The following DCAF17 variants were observed in gnomAD, a reference collection of about 807,000 sequenced individuals.
The protein encoded by DCAF17 is DDB1 and CUL4 associated factor 17, also known as DDB1- and CUL4-associated factor 17.
Under a neutral mutation model 66.0 loss-of-function variants are expected in DCAF17, and 48 were observed. The ratio of observed to expected loss-of-function variants is 0.73; its 90% CI spans 0.58 to 0.92. DCAF17 has a LOEUF of 0.92. DCAF17 is among the 40% of genes least tolerant of loss of function. DCAF17 has a pLI of 0.00. For missense variants in DCAF17, 562 were observed against 622.8 expected (o/e 0.90, Z 1.04); for synonymous variants, 206 against 214.6 (o/e 0.96, Z 0.35).
chr2:171,461,910 G>T (rs1286380311), intron 8 of DCAF17, among the ~76,000 whole-genome samples: 1 of 152,012 alleles, frequency 6.6e-6, no homozygotes, highest in Non-Finnish European at 1.5e-5. Context: ...GAAATCACAT[G>T]GCATGTATTT....
chr2:171,484,128 G>A lies in DCAF17; in HGVS notation c.*3014G>A, dbSNP rs760915283. On this transcript the variant is annotated 3_prime_UTR_variant, in exon 14 of 14. Coordinates refer to ENST00000375255, the MANE Select transcript of DCAF17 (RefSeq NM_025000.4). ...ATTAAAAGGTACTTTCCCTTTGTTT[G>A]TGGTGATAATCAGTATTAGTAGTTT... The A allele has an allele frequency of 3.5e-5, 16 of 452,608 alleles. No individual in the cohort carries two copies. The highest frequency in any genetic ancestry group is 2.5e-4 in the South Asian group (16 of 64,020). The allele number at this position is 452,608 out of a possible 1,614,324, so 28.0% of individuals were successfully genotyped here. A position where few individuals can be genotyped will look rare whatever the true frequency, so the allele number is the denominator to read the frequency against.
chr2:171,434,633 G>A lies in DCAF17; in HGVS notation c.56G>A (p.Gly19Asp). Residue 19 changes from glycine (G) to aspartate (D), a missense_variant, in exon 1 of 14, where the codon GGC becomes GAC. Around this residue, in one of 3 missense-constraint regions of DCAF17, gnomAD observed 348 missense variants for 355.9 expected, o/e 0.98. Coordinates refer to ENST00000375255, the MANE Select transcript of DCAF17 (RefSeq NM_025000.4). ...VCSRLSRRAL[G>D]CFSRDAGVVQ... ...AGCCGGCTGAGTCGCCGGGCGCTGG[G>A]CTGCTTCTCGCGCGACGCAGGCGTG... is the stretch of plus-strand genomic sequence containing the variant. The A allele has an allele frequency of 6.5e-7, 1 of 1,533,022 alleles. No homozygotes were observed. The highest frequency in any genetic ancestry group is 1.2e-5 in the South Asian group (1 of 83,802). The allele number at this position is 1,533,022 out of a possible 1,614,324, so 95.0% of individuals were successfully genotyped here. A position where few individuals can be genotyped will look rare whatever the true frequency, so the allele number is the denominator to read the frequency against.
chr2:171,482,212 A>G lies in DCAF17; in HGVS notation c.*1098A>G. The G allele has an allele frequency of 2.2e-6, 1 of 453,524 alleles. No individual in the cohort carries two copies. The highest frequency in any genetic ancestry group is 1.6e-5 in the South Asian group (1 of 64,162). 28.1% of individuals were successfully genotyped at this position (453,524 alleles called of 1,614,324 possible). A position where few individuals can be genotyped will look rare whatever the true frequency, so the allele number is the denominator to read the frequency against. ...CTGTTTGAGAAATTCAGTTGCTTCCATTTCGCATGTTCTGCACATTTATCC... is the reference window on the plus strand; with the variant it reads ...CTGTTTGAGAAATTCAGTTGCTTCCGTTTCGCATGTTCTGCACATTTATCC... On this transcript the variant is annotated 3_prime_UTR_variant, in exon 14 of 14. Transcript: ENST00000375255.
chr2:171,475,901 A>C (rs2105807137), intron 10 of DCAF17, among the ~76,000 whole-genome samples: 1 of 152,358 alleles, frequency 6.6e-6, no homozygotes, highest in South Asian at 2.1e-4. Context: ...TACACATTTT[A>C]AACTGTGGTT....
chr2:171,465,785 C>G (rs372573107), intron 8 of DCAF17, among the ~76,000 whole-genome samples: 5 of 151,962 alleles, frequency 3.3e-5, no homozygotes, highest in Admixed American at 1.3e-4. Flanking sequence ...GTGCCCAGCC[C>G]CATTTTCTAT....
chr2:171,477,536 G>A (rs906860499), intron 11 of DCAF17, among the ~76,000 whole-genome samples: 1 of 152,090 alleles, frequency 6.6e-6, no homozygotes, highest in African/African-American at 2.4e-5. Flanking sequence ...GCTCACACCT[G>A]TAATCTCAGC....
At chr2:171,441,230 G>A (rs1559256032) in intron 2 of DCAF17, among the ~76,000 whole-genome samples, 1 of 152,082 alleles carries the variant, frequency 6.6e-6, no homozygotes, top group Non-Finnish European at 1.5e-5. Flanking sequence ...CTCTTTTATG[G>A]CCTGCTTCTC....
At chr2:171,435,816 T>C (rs1693881346) in intron 2 of DCAF17, among the ~76,000 whole-genome samples, 1 of 152,240 alleles carries the variant, frequency 6.6e-6, no homozygotes, top group Admixed American at 6.5e-5. Context: ...ATGAGCTTTT[T>C]TTATAGGCTT....
intron 2 of DCAF17, among the ~76,000 whole-genome samples, chr2:171,437,746 A>G (rs1452923957): frequency 6.6e-6 from 1 of 152,150 alleles, no homozygotes; most frequent in Non-Finnish European, 1.5e-5. Flanking sequence ...CGTCCATGAG[A>G]TCGGTAGTGA....
rs769229427 is a variant in DCAF17 at position 171,434,657 on chromosome 2, T to G, written c.80T>G (p.Val27Gly). The change falls in exon 1 of 14, where the codon GTG (valine) becomes GGG (glycine). Residue 27 changes from valine (V) to glycine (G), a missense_variant. By Grantham distance (109) the Val-to-Gly change is moderately radical (BLOSUM62 -3). Coordinates refer to ENST00000375255, the MANE Select transcript of DCAF17 (RefSeq NM_025000.4). ...GGCTGCTTCTCGCGCGACGCAGGCG[T>G]GGTGCAGAGGACCAACCTGGGCATC... ...ALGCFSRDAGVVQRTNLGILR... is the reference protein window; with the variant it reads ...ALGCFSRDAGGVQRTNLGILR... 33 of 1,535,096 alleles carry G rather than the reference T, an allele frequency of 2.1e-5. No individual in the cohort carries two copies. The highest frequency in any genetic ancestry group is 1.4e-4 in the Admixed American group (7 of 51,802).
At chr2:171,473,033 G>T in intron 9 of DCAF17, 1 of 181,648 alleles carries the variant, frequency 5.5e-6, no homozygotes, top group Non-Finnish European at 1.3e-5. Context: ...ATACTACAGT[G>T]AAATCTCTTC....
intron 12 of DCAF17, 21 bp downstream of exon 12, chr2:171,478,091 G>A (rs762819110): frequency 6.3e-7 from 1 of 1,588,424 alleles, no homozygotes; most frequent in Non-Finnish European, 8.6e-7. Flanking sequence ...GGCCAGAGAT[G>A]ACAAACCAAA....
intron 8 of DCAF17, among the ~76,000 whole-genome samples, chr2:171,463,852 T>A (rs1695740184): frequency 6.6e-6 from 1 of 152,338 alleles, no homozygotes; most frequent in South Asian, 2.1e-4. Context: ...TAAACTGTAT[T>A]TCCTTCCAAA....
chr2:171,467,877 A>G (rs1045756726), intron 8 of DCAF17, among the ~76,000 whole-genome samples: 3 of 151,884 alleles, frequency 2.0e-5, no homozygotes, highest in African/African-American at 4.8e-5. Flanking sequence ...CCTTATGAAG[A>G]TGCTTAATAA....
Position 171,434,544 on chromosome 2 carries a change from G to A in DCAF17, c.-34G>A, listed in dbSNP as rs1006608443. The stretch of plus-strand genomic sequence containing the variant: ...GGGAGTGTGGGGCGCGCCACTCGGC[G>A]GCCCAGCCTACCCAGGGCCCGGCCC... On this transcript the variant is annotated 5_prime_UTR_variant, in exon 1 of 14. Coordinates refer to ENST00000375255, the MANE Select transcript of DCAF17 (RefSeq NM_025000.4). 3.3e-6 allele frequency: 5 copies of A among 1,524,016 alleles called. No homozygotes were observed. The African/African-American group carries it at 5.5e-5, about 17-fold the overall frequency. 94.4% of individuals were successfully genotyped at this position (1,524,016 alleles called of 1,614,324 possible).
intron 6 of DCAF17, among the ~76,000 whole-genome samples, chr2:171,456,517 G>T (rs1695271561): frequency 6.6e-6 from 1 of 152,162 alleles, no homozygotes; most frequent in Admixed American, 6.6e-5. Flanking sequence ...TTCTAAAATA[G>T]TTTTTTCTAG....
chr2:171,453,665 ATTG>A (rs1285794944), intron 6 of DCAF17, among the ~76,000 whole-genome samples: 1 of 152,048 alleles, frequency 6.6e-6, no homozygotes, highest in Non-Finnish European at 1.5e-5. Context: ...TTTGGGTTTT[ATTG>A]TTGTTCCCAT....
intron 12 of DCAF17, chr2:171,479,663 G>A (rs533211237): frequency 1.1e-4 from 28 of 244,974 alleles, no homozygotes; most frequent in Admixed American, 2.6e-4. Context: ...TTTCAGAACC[G>A]AGCTTCATGT....
rs1559263765 is a variant in DCAF17, at chr2:171,448,665, C to G, written c.322-16C>G. The G allele has an allele frequency of 2.6e-6, 4 of 1,520,306 alleles. 1 individual carries two copies. The South Asian group carries it at 5.2e-5, about 20-fold the overall frequency. The allele number at this position is 1,520,306 out of a possible 1,614,324, so 94.2% of individuals were successfully genotyped here. A position where few individuals can be genotyped will look rare whatever the true frequency, so the allele number is the denominator to read the frequency against. The stretch of plus-strand genomic sequence containing the variant: ...GCCAAGCAGTTTCATTTTTATATCT[C>G]TCTTTTTTTTTTTAGGGAGATATAC... On this transcript the variant is annotated splice_polypyrimidine_tract_variant and intron_variant, in intron 3 of 13. Coordinates refer to ENST00000375255, the MANE Select transcript of DCAF17 (RefSeq NM_025000.4).
Sources: gnomAD v4.1 joint callset for allele counts (sites outside exome capture counted in the v4.1 genomes callset) on GRCh38, gnomAD v4.1.1 for gene constraint, gnomAD v4.1.1 regional missense constraint, MANE v1.5 for transcripts, NCBI Gene and HGNC (gene_info 2026-07-23, HGNC 2026-07-21) for gene names.